Variants in MAST4 observed in about 807,000 individuals in gnomAD.
MAST4 encodes microtubule-associated serine/threonine-protein kinase 4.
MAST4 carries 89 observed loss-of-function variants against 162.7 expected under a neutral mutation model. That is an observed-to-expected ratio of 0.55 (90% CI 0.46 to 0.65). The LOEUF (loss-of-function observed/expected upper bound fraction) is 0.65. MAST4 is among the 30% of genes least tolerant of loss of function. MAST4 has a pLI of 0.00. For synonymous variants in MAST4, 1,479 were observed against 1,361.1 expected (o/e 1.09, Z -1.91); for missense variants, 3,153 against 3,374.0 (o/e 0.93, Z 1.62).
In MAST4 at chr5:67,064,974, T is replaced by C. The variant is rs1054804590; in HGVS notation, c.763+10482T>C. ...TTGGTTTATCTACTTTGTCCATTTT[T>C]GTATTCGACATTTTCAGATTTAAAT... is the stretch of plus-strand genomic sequence containing the variant. On this transcript the variant is annotated intron_variant, in intron 5 of 28. Transcript: ENST00000403625. Among the ~76,000 whole-genome samples the C allele has an allele frequency of 3.3e-5, 5 of 152,358 alleles. No homozygotes were observed. The East Asian group carries it at 9.6e-4, about 29-fold the overall frequency.
At chr5:66,940,788 T>C (rs1253616890) in intron 4 of MAST4, among the ~76,000 whole-genome samples, 3 of 152,258 alleles carry the variant, frequency 2.0e-5, no homozygotes, top group African/African-American at 7.2e-5. Context: ...AGGTTTTCAA[T>C]GTACTTTGCC....
At chr5:67,134,016 G>A (rs565436776) in intron 17 of MAST4, among the ~76,000 whole-genome samples, 6 of 152,128 alleles carry the variant, frequency 3.9e-5, no homozygotes, top group East Asian at 1.9e-4. Flanking sequence ...TCCAAGCCAC[G>A]GCCCATTTCC....
chr5:66,822,692 C>T (rs1757053646), intron 3 of MAST4, among the ~76,000 whole-genome samples: 1 of 152,168 alleles, frequency 6.6e-6, no homozygotes, highest in Admixed American at 6.5e-5. Flanking sequence ...GCACATGGCT[C>T]AGAGAATTGG....
intron 1 of MAST4, among the ~76,000 whole-genome samples, chr5:66,674,038 G>T (rs1188672099): frequency 6.6e-6 from 1 of 152,120 alleles, no homozygotes; most frequent in East Asian, 1.9e-4. Context: ...ATTCAACTTT[G>T]TTTCTCCAGA....
chr5:66,833,124 T>G (rs1757729871), intron 3 of MAST4, among the ~76,000 whole-genome samples: 1 of 152,202 alleles, frequency 6.6e-6, no homozygotes, highest in Non-Finnish European at 1.5e-5. Context: ...ATTTTAACTG[T>G]AAAATAAACA....
chr5:66,879,257 T>C (rs372702070), intron 3 of MAST4, among the ~76,000 whole-genome samples: 91 of 145,782 alleles, frequency 6.2e-4, no homozygotes, highest in African/African-American at 2.1e-3. Context: ...CCAGCCTGGG[T>C]GACAGAGCAA....
chr5:67,138,270 C>G (rs1265651199), intron 19 of MAST4, among the ~76,000 whole-genome samples: 4 of 152,220 alleles, frequency 2.6e-5, no homozygotes, highest in African/African-American at 7.2e-5. Flanking sequence ...AACATTTCCT[C>G]CAGAGTCATC....
At chr5:67,084,801 C>A (rs575681388) in intron 5 of MAST4, among the ~76,000 whole-genome samples, 1 of 152,060 alleles carries the variant, frequency 6.6e-6, no homozygotes, top group Non-Finnish European at 1.5e-5. Flanking sequence ...TTTTACTTAG[C>A]ATTGTTGACT....
chr5:66,980,505 C>G (rs541211260), intron 4 of MAST4, among the ~76,000 whole-genome samples: 6 of 152,112 alleles, frequency 3.9e-5, no homozygotes. Flanking sequence ...ACTAAAGAAA[C>G]CATGTGTGGT....
chr5:67,111,974 G>C (rs1049741764), intron 11 of MAST4, among the ~76,000 whole-genome samples: 2 of 151,804 alleles, frequency 1.3e-5, no homozygotes, highest in African/African-American at 4.8e-5. Flanking sequence ...TGCTCTGTCA[G>C]TCATTGTAGT....
chr5:66,601,772 A>G (rs1742568479), intron 1 of MAST4, among the ~76,000 whole-genome samples: 1 of 152,332 alleles, frequency 6.6e-6, no homozygotes, highest in South Asian at 2.1e-4. Flanking sequence ...ACTTTATTCT[A>G]GAGGCAATGG....
chr5:66,880,602 T>A (rs1580748701), intron 3 of MAST4, among the ~76,000 whole-genome samples: 1 of 152,162 alleles, frequency 6.6e-6, no homozygotes, highest in South Asian at 2.1e-4. Context: ...TTTGAGGACA[T>A]TCACCATCCT....
intron 26 of MAST4, among the ~76,000 whole-genome samples, chr5:67,154,548 C>T (rs1440062851): frequency 6.6e-6 from 1 of 152,226 alleles, no homozygotes; most frequent in Admixed American, 6.5e-5. Flanking sequence ...AGGACTCTGG[C>T]AAGGTCTCTT....
chr5:66,627,446 G>T (rs1744510813), intron 1 of MAST4, among the ~76,000 whole-genome samples: 1 of 152,194 alleles, frequency 6.6e-6, no homozygotes, highest in Admixed American at 6.5e-5. Flanking sequence ...TGAGGAAGAA[G>T]ATGTGATCAA....
At chr5:67,109,186 G>A (rs938737166) in intron 10 of MAST4, among the ~76,000 whole-genome samples, 24 of 152,022 alleles carry the variant, frequency 1.6e-4, no homozygotes, top group African/African-American at 5.6e-4. Context: ...TAAGTTAGGT[G>A]CCTAGGTATT....
At chr5:66,983,652 T>A (rs555273856) in intron 4 of MAST4, among the ~76,000 whole-genome samples, 16 of 152,050 alleles carry the variant, frequency 1.1e-4, no homozygotes, top group Non-Finnish European at 2.1e-4. Flanking sequence ...TCTACAAAAC[T>A]GAGGGGGAGG....
At chr5:66,647,190 T>C (rs1353098281) in intron 1 of MAST4, among the ~76,000 whole-genome samples, 3 of 152,158 alleles carry the variant, frequency 2.0e-5, no homozygotes, top group African/African-American at 4.8e-5. Flanking sequence ...TGGGATGTTT[T>C]TCTAAAGTTT....
Position 67,153,534 on chromosome 5 carries a change from C to T in MAST4, c.3602C>T (p.Pro1201Leu). 1 of 1,599,370 alleles carries T rather than the reference C, an allele frequency of 6.3e-7. No individual in the cohort carries two copies. Among genetic ancestry groups the T allele is most frequent in the South Asian group, 1.1e-5 (1 of 88,072 alleles). ...GDLITHINGEPVHGLVHTEVI... is the reference protein window; with the variant it reads ...GDLITHINGELVHGLVHTEVI... ...CTTATCACTCACATCAATGGAGAACCAGTGCATGGACTTGTCCACACAGAA... is the reference window on the plus strand; with the variant it reads ...CTTATCACTCACATCAATGGAGAACTAGTGCATGGACTTGTCCACACAGAA... Residue 1201 changes from proline (P) to leucine (L), a missense_variant, in exon 26 of 29, where the codon CCA becomes CTA. Coordinates refer to ENST00000403625, the MANE Select transcript of MAST4 (RefSeq NM_001164664.2).
rs569257348 is a variant in MAST4 at position 66,874,463 on chromosome 5, T to C, written c.643-25488T>C. ...ATTCTAGATGAGCTGTCATTTTACA[T>C]TGGAAGCTTTGCTGATCCAGAATAA... On this transcript the variant is annotated intron_variant, in intron 3 of 28. Coordinates refer to ENST00000403625, the MANE Select transcript of MAST4 (RefSeq NM_001164664.2). 8.5e-5 allele frequency among the ~76,000 whole-genome samples: 13 copies of C among 152,316 alleles called. No homozygotes were observed. In the South Asian group the frequency reaches 1.7e-3, roughly 19 times the overall value.
Sources: allele counts gnomAD v4.1 joint callset (sites outside exome capture counted in the v4.1 genomes callset), GRCh38; gene constraint gnomAD v4.1.1; transcripts MANE v1.5; gene names NCBI Gene and HGNC (gene_info 2026-07-23, HGNC 2026-07-21).